Variants in NDEL1 observed in about 807,000 individuals in gnomAD.
NDEL1 encodes nudE neurodevelopment protein 1 like 1.
In NDEL1, 9 loss-of-function variants were observed where a neutral mutation model predicts 45.7. The ratio of observed to expected loss-of-function variants is 0.20; its 90% CI spans 0.12 to 0.34. The LOEUF (loss-of-function observed/expected upper bound fraction) is 0.34. Among genes scored for constraint, NDEL1 ranks in the 10% least tolerant of loss-of-function variants. The pLI is 1.00. For missense variants in NDEL1, 306 were observed against 406.2 expected, an observed-to-expected ratio of 0.75 and a Z score of 2.12; for synonymous variants, 133 against 158.6, an observed-to-expected ratio of 0.84 and a Z score of 1.21.
chr17:8,419,235 G>A (rs1345847384), intron 1 of NDEL1, among the ~76,000 whole-genome samples: 3 of 152,038 alleles, frequency 2.0e-5, no homozygotes, highest in Non-Finnish European at 2.9e-5. Flanking sequence ...AGTGTTTGAC[G>A]ATTTTCTTCC....
At chr17:8,451,430 T>C (rs1406367102) in intron 6 of NDEL1, among the ~76,000 whole-genome samples, 1 of 152,220 alleles carries the variant, frequency 6.6e-6, no homozygotes, top group Non-Finnish European at 1.5e-5. Flanking sequence ...CTTTTGCCAC[T>C]TTCCATATCA....
intron 2 of NDEL1, chr17:8,444,675 T>G (rs1224545093): frequency 4.8e-6 from 1 of 208,316 alleles, no homozygotes; most frequent in African/African-American, 2.4e-5. Context: ...TGCCTCATCA[T>G]TTTGGTCATT....
At chr17:8,420,369 A>G (rs538276096) in intron 1 of NDEL1, among the ~76,000 whole-genome samples, 2 of 152,348 alleles carry the variant, frequency 1.3e-5, no homozygotes, top group South Asian at 2.1e-4. Context: ...CCCATACTAA[A>G]TATTCAATAA....
At chr17:8,466,647 AGACCTGCTTTATG>A (rs1911610691) in intron 8 of NDEL1, 1 of 410,296 alleles carries the variant, frequency 2.4e-6, no homozygotes, top group Non-Finnish European at 4.3e-6. Context: ...CCAGGCATTT[AGACCTGCTTTATG>A]GGGAAAGAAT....
intron 2 of NDEL1, among the ~76,000 whole-genome samples, chr17:8,445,391 C>G (rs956411035): frequency 6.6e-5 from 10 of 152,126 alleles, no homozygotes; most frequent in Admixed American, 3.9e-4. Flanking sequence ...AAGGAAATGC[C>G]AAATTTGTTA....
intron 8 of NDEL1, among the ~76,000 whole-genome samples, chr17:8,462,224 T>A (rs1911255670): frequency 6.6e-6 from 1 of 152,172 alleles, no homozygotes. Context: ...GTTTTGGTTT[T>A]AAATGGTAGA....
chr17:8,413,462 G>A (rs1334708654), intron 1 of NDEL1, among the ~76,000 whole-genome samples: 1 of 152,226 alleles, frequency 6.6e-6, no homozygotes, highest in Non-Finnish European at 1.5e-5. Context: ...GACATAAAGA[G>A]ACGGCTTTGG....
chr17:8,442,235 C>T (rs1021960357), intron 1 of NDEL1, among the ~76,000 whole-genome samples: 2 of 152,102 alleles, frequency 1.3e-5, no homozygotes, highest in African/African-American at 4.8e-5. Context: ...TTTTGTCTAA[C>T]TGATAATGAT....
At chr17:8,451,337 A>G (rs990585468) in intron 6 of NDEL1, among the ~76,000 whole-genome samples, 2 of 151,984 alleles carry the variant, frequency 1.3e-5, no homozygotes, top group African/African-American at 4.8e-5. Context: ...TTTTTTTTCT[A>G]TTGTGTGCTT....
chr17:8,413,704 C>G (rs1159755135), intron 1 of NDEL1, among the ~76,000 whole-genome samples: 1 of 152,194 alleles, frequency 6.6e-6, no homozygotes, highest in Admixed American at 6.5e-5. Context: ...GGGACCTTGA[C>G]TTCACTGCTC....
chr17:8,457,501 G>T (rs1307775356), intron 7 of NDEL1, among the ~76,000 whole-genome samples: 1 of 152,096 alleles, frequency 6.6e-6, no homozygotes, highest in Non-Finnish European at 1.5e-5. Context: ...CAACACTTTG[G>T]GTCTGCTGGT....
At chr17:8,454,662 T>C (rs566276849) in intron 6 of NDEL1, 134 bp from the exon 7 acceptor site, 1 of 675,230 alleles carries the variant, frequency 1.5e-6, no homozygotes, top group East Asian at 2.6e-5. Context: ...ATTTATGGTA[T>C]CTATACTTTA....
rs1173111218 is a variant in NDEL1 at position 8,428,766 on chromosome 17, C to T, written c.-12-15494C>T. Among the ~76,000 whole-genome samples the T allele has an allele frequency of 6.6e-5, 10 of 151,988 alleles. No individual in the cohort carries two copies. The South Asian group carries it at 8.3e-4, about 13-fold the overall frequency. On this transcript the variant is annotated intron_variant, in intron 1 of 4. Transcript: ENST00000582812. Reference sequence around the variant, plus strand: ...TCGGCTCACTGCAAGCTCCGCCTCCCAGGTTCACACCATTCTCCTGCCTCA... The same window carrying T: ...TCGGCTCACTGCAAGCTCCGCCTCCTAGGTTCACACCATTCTCCTGCCTCA...
chr17:8,451,306 C>A (rs1458881373), intron 6 of NDEL1, among the ~76,000 whole-genome samples: 2 of 152,132 alleles, frequency 1.3e-5, no homozygotes, highest in Non-Finnish European at 2.9e-5. Flanking sequence ...CTTACAGGCA[C>A]CCACCATTAA....
chr17:8,413,667 CA>C (rs1335354709), intron 1 of NDEL1, among the ~76,000 whole-genome samples: 1 of 152,146 alleles, frequency 6.6e-6, no homozygotes, highest in Non-Finnish European at 1.5e-5. Flanking sequence ...CTGAGCTGAC[CA>C]AGTTAGGGGC....
At position 8,444,377 on chromosome 17, in the gene NDEL1, T is replaced by C. The variant is rs1317838994; in HGVS notation, c.86+20T>C. The C allele has an allele frequency of 1.3e-6, 2 of 1,546,480 alleles. No individual in the cohort carries two copies. Among genetic ancestry groups the C allele is most frequent in the Non-Finnish European group, 8.9e-7 (1 of 1,121,270 alleles). Reference sequence around the variant, plus strand: ...GCAAAGGTAATGTTGGAAAGCACACTAAAAGTAGGGGAGGGCATTTGGAAT... The same window carrying C: ...GCAAAGGTAATGTTGGAAAGCACACCAAAAGTAGGGGAGGGCATTTGGAAT... On this transcript the variant is annotated intron_variant, in intron 2 of 8. Coordinates refer to ENST00000334527, the MANE Select transcript of NDEL1 (RefSeq NM_030808.5).
chr17:8,428,323 GGTGTGTGTGTGT>G (rs61341198), intron 1 of NDEL1, among the ~76,000 whole-genome samples: 1 of 62,044 alleles, frequency 1.6e-5, no homozygotes, highest in Admixed American at 1.6e-4. Context: ...AAGTGTGTGT[GGTGTGTGTGTGT>G]GTGTGTGTGT....
upstream of NDEL1, among the ~76,000 whole-genome samples, chr17:8,431,030 A>G (rs898228499): frequency 6.6e-6 from 1 of 152,172 alleles, no homozygotes; most frequent in African/African-American, 2.4e-5. Flanking sequence ...GTCCTGACAA[A>G]CACCAGTTTT....
intron 1 of NDEL1, among the ~76,000 whole-genome samples, chr17:8,442,643 A>G (rs114889601): frequency 0.014 from 2,178 of 150,364 alleles, 51 homozygotes; most frequent in African/African-American, 0.051. Context: ...ACTGTGTTCT[A>G]TGTTTGATGA....
Sources: allele counts gnomAD v4.1 joint callset (sites outside exome capture counted in the v4.1 genomes callset), GRCh38; gene constraint gnomAD v4.1.1; transcripts MANE v1.5; gene names NCBI Gene and HGNC (gene_info 2026-07-23, HGNC 2026-07-21).